Variants in GRID2 observed in about 807,000 individuals in gnomAD.
GRID2 encodes glutamate ionotropic receptor delta type subunit 2, also known as glutamate receptor ionotropic, delta-2.
GRID2 carries 33 observed loss-of-function variants against 114.8 expected under a neutral mutation model. The observed-to-expected ratio is 0.29, with a 90% CI of 0.22 to 0.38. The LOEUF is 0.38. Ranked by LOEUF, GRID2 falls within the 10% of genes least tolerant of loss-of-function variation. The pLI, the probability that GRID2 is intolerant of heterozygous loss-of-function variation, is 1.00. For missense variants in GRID2, 1,184 were observed against 1,257.7 expected (o/e 0.94, Z 0.89); for synonymous variants, 505 against 449.9 (o/e 1.12, Z -1.55).
intron 1 of GRID2, among the ~76,000 whole-genome samples, chr4:92,539,744 G>T (rs1191658019): frequency 2.6e-5 from 4 of 152,104 alleles, no homozygotes; most frequent in African/African-American, 9.7e-5. Context: ...AGCTGTCCAT[G>T]AACTGGATCT....
chr4:92,903,903 T>C (rs926095359), intron 2 of GRID2, among the ~76,000 whole-genome samples: 2 of 152,040 alleles, frequency 1.3e-5, no homozygotes, highest in Admixed American at 1.3e-4. Flanking sequence ...GGGAGGGTGT[T>C]GGAGAGAGAT....
In GRID2 at chr4:93,772,224, A is replaced by G; in HGVS notation, c.2750A>G (p.Glu917Gly). The change falls in exon 16 of 16, where the codon GAG becomes GGG. Residue 917 changes from glutamate (E) to glycine (G), a missense_variant. Coordinates refer to ENST00000282020, the MANE Select transcript of GRID2 (RefSeq NM_001510.4). ...IDTLPTRQAL[E>G]QISDFRNTHI... ...ACTTTGCCAACACGACAAGCACTGGAGCAAATCAGTGATTTCAGGAACACT... is the reference window on the plus strand; with the variant it reads ...ACTTTGCCAACACGACAAGCACTGGGGCAAATCAGTGATTTCAGGAACACT... The G allele has an allele frequency of 1.2e-6, 2 of 1,614,100 alleles. No homozygotes were observed. The highest frequency in any genetic ancestry group is 1.7e-6 in the Non-Finnish European group (2 of 1,179,994).
At chr4:92,979,684 A>C (rs1754076352) in intron 2 of GRID2, among the ~76,000 whole-genome samples, 1 of 152,178 alleles carries the variant, frequency 6.6e-6, no homozygotes, top group Admixed American at 6.5e-5. Flanking sequence ...CAGAAAGGTT[A>C]ATATCAAGTG....
intron 2 of GRID2, among the ~76,000 whole-genome samples, chr4:92,987,598 AAAAAAT>A (rs1295532970): frequency 2.0e-5 from 3 of 152,112 alleles, no homozygotes; most frequent in Non-Finnish European, 4.4e-5. Context: ...TATAATTAAA[AAAAAAT>A]AAAAATAAGA....
At chr4:92,380,540 T>G (rs1289021314) in intron 1 of GRID2, among the ~76,000 whole-genome samples, 3 of 152,034 alleles carry the variant, frequency 2.0e-5, no homozygotes, top group Non-Finnish European at 4.4e-5. Context: ...TCTATGTATT[T>G]TAAGTATATT....
intron 2 of GRID2, among the ~76,000 whole-genome samples, chr4:92,656,204 T>A (rs1262364787): frequency 2.0e-5 from 3 of 151,790 alleles, no homozygotes; most frequent in Non-Finnish European, 4.4e-5. Flanking sequence ...CTGACTAGCT[T>A]TTGTATTTTT....
At chr4:93,222,777 C>A (rs1745042007) in intron 6 of GRID2, among the ~76,000 whole-genome samples, 1 of 151,932 alleles carries the variant, frequency 6.6e-6, no homozygotes, top group Non-Finnish European at 1.5e-5. Context: ...CATCCATGTC[C>A]CTAAAAAGGA....
intron 1 of GRID2, among the ~76,000 whole-genome samples, chr4:92,409,088 T>C (rs1178564326): frequency 6.6e-6 from 1 of 152,106 alleles, no homozygotes; most frequent in Non-Finnish European, 1.5e-5. Flanking sequence ...CCATTCTGTA[T>C]GATTTGGCTG....
chr4:93,030,706 G>A (rs192583123), intron 2 of GRID2, among the ~76,000 whole-genome samples: 36 of 151,990 alleles, frequency 2.4e-4, no homozygotes, highest in Non-Finnish European at 4.0e-4. Flanking sequence ...TTTCAAGACC[G>A]TAATAGCATC....
chr4:93,148,641 G>T (rs1028825100), intron 4 of GRID2, among the ~76,000 whole-genome samples: 4 of 152,038 alleles, frequency 2.6e-5, no homozygotes, highest in Middle Eastern at 3.2e-3. Flanking sequence ...GTTTAAATAT[G>T]TTTATTCACG....
intron 2 of GRID2, among the ~76,000 whole-genome samples, chr4:92,999,747 C>T (rs569393861): frequency 6.6e-6 from 1 of 151,326 alleles, no homozygotes; most frequent in Non-Finnish European, 1.5e-5. Context: ...TTTTTCAAGA[C>T]AGCCATAAGA....
intron 1 of GRID2, among the ~76,000 whole-genome samples, chr4:92,483,253 G>A (rs949869297): frequency 8.5e-5 from 13 of 152,078 alleles, no homozygotes; most frequent in African/African-American, 3.1e-4. Flanking sequence ...CAAGAGAATC[G>A]CTTGAATCTG....
At chr4:92,431,925 G>A (rs903492932) in intron 1 of GRID2, among the ~76,000 whole-genome samples, 5 of 152,208 alleles carry the variant, frequency 3.3e-5, no homozygotes, top group Non-Finnish European at 5.9e-5. Context: ...TAAGTCTTTG[G>A]TCATCACTGT....
intron 1 of GRID2, among the ~76,000 whole-genome samples, chr4:92,551,917 G>C (rs1216550080): frequency 1.3e-5 from 2 of 151,740 alleles, no homozygotes; most frequent in African/African-American, 4.8e-5. Flanking sequence ...CAGTAGAAAG[G>C]AATAGAGAAA....
intron 1 of GRID2, among the ~76,000 whole-genome samples, chr4:92,568,513 C>T (rs1415868367): frequency 6.6e-6 from 1 of 152,050 alleles, no homozygotes; most frequent in African/African-American, 2.4e-5. Context: ...ATGAGGAACT[C>T]TACTAGTCTG....
At chr4:93,653,175 A>G (rs866881159) in intron 14 of GRID2, among the ~76,000 whole-genome samples, 2 of 152,194 alleles carry the variant, frequency 1.3e-5, no homozygotes, top group African/African-American at 2.4e-5. Context: ...GGGGGGAAAA[A>G]GTTTGGAAAC....
At chr4:93,794,024 AG>A (rs765676922) in intron 1 of GRID2, among the ~76,000 whole-genome samples, 8 of 147,168 alleles carry the variant, frequency 5.4e-5, no homozygotes, top group African/African-American at 9.8e-5. Context: ...TCCCATCTGC[AG>A]AAAAAAAAAA....
chr4:92,305,010 A>T, intron 1 of GRID2, among the ~76,000 whole-genome samples: 1 of 151,984 alleles, frequency 6.6e-6, no homozygotes, highest in African/African-American at 2.4e-5. Flanking sequence ...CCTGAGTGTG[A>T]GTGTGTGCTG....
At chr4:93,248,608 A>G (rs1321089645) in intron 8 of GRID2, among the ~76,000 whole-genome samples, 1 of 152,146 alleles carries the variant, frequency 6.6e-6, no homozygotes, top group Admixed American at 6.6e-5. Context: ...GCCTATCTGG[A>G]CGCCTCAAGG....
Sources: allele counts gnomAD v4.1 joint callset (sites outside exome capture counted in the v4.1 genomes callset), GRCh38; gene constraint gnomAD v4.1.1; transcripts MANE v1.5; gene names NCBI Gene and HGNC (gene_info 2026-07-23, HGNC 2026-07-21).